The following FYB1 variants were observed in gnomAD, a reference collection of about 807,000 sequenced individuals.
FYB1 encodes FYN binding protein 1.
Under a neutral mutation model 94.1 loss-of-function variants are expected in FYB1, and 41 were observed. The observed-to-expected ratio is 0.44, with a 90% CI of 0.34 to 0.57. The LOEUF is 0.57. FYB1 is among the 20% of genes least tolerant of loss of function. The pLI is 0.02. For synonymous variants in FYB1, 367 were observed against 353.2 expected, an observed-to-expected ratio of 1.04 and a Z score of -0.44; for missense variants, 1,050 against 976.8, an observed-to-expected ratio of 1.07 and a Z score of -1.00.
At chr5:39,233,127 C>T (rs1333771228) in intron 1 of FYB1, among the ~76,000 whole-genome samples, 1 of 152,056 alleles carries the variant, frequency 6.6e-6, no homozygotes. Flanking sequence ...GTTCTAGATC[C>T]CTGAGGAATC....
intron 9 of FYB1, among the ~76,000 whole-genome samples, chr5:39,132,711 T>G (rs879033773): frequency 6.6e-6 from 1 of 152,216 alleles, no homozygotes; most frequent in Admixed American, 6.5e-5. Flanking sequence ...TTTGTTATTT[T>G]TTTCTTGAGT....
At chr5:39,217,386 C>G (rs1486284501) in intron 1 of FYB1, among the ~76,000 whole-genome samples, 2 of 152,158 alleles carry the variant, frequency 1.3e-5, no homozygotes, top group African/African-American at 2.4e-5. Context: ...AAATCTGGGT[C>G]TCTCCCTTGC....
At chr5:39,159,746 G>A (rs1436242221) in intron 2 of FYB1, among the ~76,000 whole-genome samples, 4 of 152,094 alleles carry the variant, frequency 2.6e-5, no homozygotes, top group African/African-American at 4.8e-5. Context: ...TTCTAACAAT[G>A]GCATTTTAGT....
chr5:39,267,498 G>T (rs1435377763), intron 1 of FYB1, among the ~76,000 whole-genome samples: 2 of 152,006 alleles, frequency 1.3e-5, no homozygotes, highest in East Asian at 3.9e-4. Flanking sequence ...AAGAAGCCAG[G>T]GATATAGCCT....
chr5:39,187,416 T>C (rs1206274424), intron 2 of FYB1, among the ~76,000 whole-genome samples: 1 of 152,196 alleles, frequency 6.6e-6, no homozygotes, highest in East Asian at 1.9e-4. Context: ...TTCTTGTAAG[T>C]ACCGTATAAG....
At chr5:39,125,218 G>A (rs1740531574) in intron 12 of FYB1, among the ~76,000 whole-genome samples, 1 of 152,042 alleles carries the variant, frequency 6.6e-6, no homozygotes, top group Non-Finnish European at 1.5e-5. Flanking sequence ...AAGCCAATTG[G>A]GAATGCTATA....
chr5:39,134,911 A>G lies in FYB1; in HGVS notation c.1619T>C (p.Ile540Thr). 6.2e-7 allele frequency: 1 copy of G among 1,613,930 alleles called. No homozygotes were observed. Among genetic ancestry groups the G allele is most frequent in the Non-Finnish European group, 8.5e-7 (1 of 1,179,858 alleles). ...TCCTTCTGGGTTGTCTGTGATGCGGATGATTTCAATTTGCTCTCCTTGCTT... is the reference window on the plus strand; with the variant it reads ...TCCTTCTGGGTTGTCTGTGATGCGGGTGATTTCAATTTGCTCTCCTTGCTT... ...SFKQGEQIEI[I>T]RITDNPEGKW... is the part of the protein sequence containing the mutation. The change falls in exon 8 of 19, where the codon ATC becomes ACC. Residue 540 changes from isoleucine to threonine, a missense_variant. Transcript: ENST00000512982.
chr5:39,267,670 G>A (rs950570278), intron 1 of FYB1, among the ~76,000 whole-genome samples: 2 of 152,140 alleles, frequency 1.3e-5, no homozygotes, highest in Non-Finnish European at 2.9e-5. Context: ...ACCTTTTCAT[G>A]CTACAAAAAT....
Position 39,141,082 on chromosome 5 carries a change from T to C in FYB1, c.1339+13A>G. 6.4e-7 allele frequency: 1 copy of C among 1,550,876 alleles called. No homozygotes were observed. Among genetic ancestry groups the C allele is most frequent in the Non-Finnish European group, 8.8e-7 (1 of 1,138,498 alleles). On this transcript the variant is annotated intron_variant, in intron 4 of 18. Coordinates refer to ENST00000512982, the MANE Select transcript of FYB1 (RefSeq NM_001465.6). ...TTACAAATAAATAAATAAAATATGTTTTTGTCGTTTACCATCAGAGTGCGT... is the reference window on the plus strand; with the variant it reads ...TTACAAATAAATAAATAAAATATGTCTTTGTCGTTTACCATCAGAGTGCGT...
chr5:39,162,307 G>A (rs1431985265), intron 2 of FYB1, among the ~76,000 whole-genome samples: 1 of 152,118 alleles, frequency 6.6e-6, no homozygotes, highest in African/African-American at 2.4e-5. Context: ...TTTCTTGTAT[G>A]TATGTCTTTG....
chr5:39,241,533 G>C (rs538086139), intron 1 of FYB1, among the ~76,000 whole-genome samples: 1 of 152,076 alleles, frequency 6.6e-6, no homozygotes, highest in Non-Finnish European at 1.5e-5. Flanking sequence ...TCAAAACCTA[G>C]AGTGATAAAT....
At chr5:39,185,690 A>T (rs570258604) in intron 2 of FYB1, among the ~76,000 whole-genome samples, 18 of 151,090 alleles carry the variant, frequency 1.2e-4, no homozygotes, top group Non-Finnish European at 1.5e-4. Flanking sequence ...AAGCAAACCC[A>T]CAGTGTGTTA....
chr5:39,234,546 C>T (rs917476220), intron 1 of FYB1, among the ~76,000 whole-genome samples: 1 of 152,054 alleles, frequency 6.6e-6, no homozygotes, highest in South Asian at 2.1e-4. Context: ...TACTGGGTAT[C>T]TACCCAAAGG....
intron 7 of FYB1, among the ~76,000 whole-genome samples, chr5:39,136,092 T>C (rs958768245): frequency 6.6e-6 from 1 of 152,142 alleles, no homozygotes; most frequent in Non-Finnish European, 1.5e-5. Context: ...TTTTTTGAGA[T>C]GGAGTCTCGC....
chr5:39,112,715 A>G (rs897873227), intron 16 of FYB1, among the ~76,000 whole-genome samples: 8 of 152,118 alleles, frequency 5.3e-5, no homozygotes, highest in African/African-American at 1.9e-4. Flanking sequence ...TTCATGATAG[A>G]GAGCTTAATA....
At chr5:39,166,004 G>A (rs1744693600) in intron 2 of FYB1, among the ~76,000 whole-genome samples, 1 of 152,184 alleles carries the variant, frequency 6.6e-6, no homozygotes, top group Non-Finnish European at 1.5e-5. Flanking sequence ...GTCGAGTAAA[G>A]GGAATGCTTA....
intron 2 of FYB1, among the ~76,000 whole-genome samples, chr5:39,173,826 T>C (rs1745471129): frequency 6.6e-6 from 1 of 152,212 alleles, no homozygotes; most frequent in African/African-American, 2.4e-5. Flanking sequence ...ACCAGTATCA[T>C]GCTCTTTGGG....
intron 1 of FYB1, among the ~76,000 whole-genome samples, chr5:39,243,146 T>G (rs1238263725): frequency 1.3e-5 from 2 of 152,036 alleles, no homozygotes; most frequent in East Asian, 1.9e-4. Flanking sequence ...TTAGTTTAAT[T>G]AGATCCCATT....
intron 1 of FYB1, among the ~76,000 whole-genome samples, chr5:39,246,536 C>T (rs1579776407): frequency 6.6e-6 from 1 of 152,262 alleles, no homozygotes; most frequent in African/African-American, 2.4e-5. Context: ...GAAAATATTT[C>T]CTGCCATGAA....
Sources: gnomAD v4.1 joint callset for allele counts (sites outside exome capture counted in the v4.1 genomes callset) on GRCh38, gnomAD v4.1.1 for gene constraint, MANE v1.5 for transcripts, NCBI Gene and HGNC (gene_info 2026-07-23, HGNC 2026-07-21) for gene names.